GRIK5: variants seen among roughly 807,000 people sequenced by gnomAD.
GRIK5 encodes the protein glutamate ionotropic receptor kainate type subunit 5.
Under a neutral mutation model 97.4 loss-of-function variants are expected in GRIK5, and 43 were observed. The observed-to-expected ratio is 0.44, with a 90% CI of 0.35 to 0.57. The LOEUF (loss-of-function observed/expected upper bound fraction) is 0.57, where lower values mean the gene tolerates loss of function less well. Ranked by LOEUF, GRIK5 falls within the 20% of genes least tolerant of loss-of-function variation. The pLI is 0.01. For missense variants in GRIK5, 1,015 were observed against 1,382.0 expected (o/e 0.73, Z 4.21); for synonymous variants, 580 against 583.5 (o/e 0.99, Z 0.09).
chr19:42,058,247 C>T (rs2146160629), intron 6 of GRIK5, among the ~76,000 whole-genome samples: 1 of 152,202 alleles, frequency 6.6e-6, no homozygotes, highest in African/African-American at 2.4e-5. Flanking sequence ...GTGGTGCAAT[C>T]TCAGCTCACT....
At position 42,003,686 on chromosome 19, in the gene GRIK5, G is replaced by A. The variant is rs782357500; in HGVS notation, c.2264-3C>T. The A allele has an allele frequency of 1.2e-5, 20 of 1,607,460 alleles. No homozygotes were observed. Among genetic ancestry groups the A allele is most frequent in the Admixed American group, 3.4e-5 (2 of 59,522 alleles). ...GATCTCATCCCGGAACGGGGAGCCTGGGCAGGCACACGAGGGGCTGGACCA... is the reference window on the plus strand; with the variant it reads ...GATCTCATCCCGGAACGGGGAGCCTAGGCAGGCACACGAGGGGCTGGACCA... On this transcript the variant is annotated splice_polypyrimidine_tract_variant and splice_region_variant and intron_variant, in intron 17 of 19. Coordinates refer to ENST00000593562, the MANE Select transcript of GRIK5 (RefSeq NM_002088.5). This position sits in a 1 kb window ranked among gnomAD's most constrained non-coding sequence, Gnocchi z 4.2.
chr19:42,011,116 AACACACAC>A (rs112305468), intron 15 of GRIK5, among the ~76,000 whole-genome samples: 50 of 146,578 alleles, frequency 3.4e-4, no homozygotes, highest in African/African-American at 1.1e-3. Flanking sequence ...TTTACTATCT[AACACACAC>A]ACACACACAC....
intron 15 of GRIK5, among the ~76,000 whole-genome samples, chr19:42,019,704 G>A (rs1599766773): frequency 6.6e-6 from 1 of 152,198 alleles, no homozygotes; most frequent in East Asian, 1.9e-4. Flanking sequence ...GAGATTTGTG[G>A]ATCCTATGCT....
intron 12 of GRIK5, among the ~76,000 whole-genome samples, chr19:42,030,009 G>A (rs752237844): frequency 2.0e-5 from 3 of 152,076 alleles, no homozygotes; most frequent in African/African-American, 4.8e-5. Flanking sequence ...ACTAAGTGTG[G>A]TAGCTGCTTT....
chr19:42,018,109 C>A (rs1478534320), intron 15 of GRIK5, among the ~76,000 whole-genome samples: 5 of 131,352 alleles, frequency 3.8e-5, no homozygotes, highest in Middle Eastern at 5.8e-3. Context: ...GTCAGGAGAT[C>A]GAGACCACCC....
chr19:42,036,516 G>A (rs1306411933), intron 12 of GRIK5, among the ~76,000 whole-genome samples: 1 of 152,024 alleles, frequency 6.6e-6, no homozygotes, highest in Non-Finnish European at 1.5e-5. Context: ...CACCACACTT[G>A]GCTAAATTTT....
intron 15 of GRIK5, among the ~76,000 whole-genome samples, chr19:42,007,620 G>C (rs782044536): frequency 6.6e-6 from 1 of 152,158 alleles, no homozygotes; most frequent in African/African-American, 2.4e-5. Flanking sequence ...GGAGGGAGCT[G>C]CAAAGAGAGG....
chr19:42,064,799 G>A (rs1009428818), intron 3 of GRIK5, among the ~76,000 whole-genome samples: 3 of 152,122 alleles, frequency 2.0e-5, no homozygotes, highest in African/African-American at 4.8e-5. Context: ...TGATGTGGCC[G>A]GCCGTGCTTG....
rs377689040 is a variant in GRIK5 at position 42,062,734 on chromosome 19, G to A, written c.342+24C>T. ...CCCAGGGACCCGCTCCCCACAAAGC[G>A]CCGGCCCACACTCCCCATCTCACCT... On this transcript the variant is annotated intron_variant, in intron 4 of 19. Coordinates refer to ENST00000593562, the MANE Select transcript of GRIK5 (RefSeq NM_002088.5). This position sits in a 1 kb window ranked among gnomAD's most constrained non-coding sequence, Gnocchi z 5.3. The A allele has an allele frequency of 5.6e-5, 91 of 1,611,428 alleles. 1 individual carries two copies. The African/African-American group carries it at 6.9e-4, about 12-fold the overall frequency.
At position 42,065,904 on chromosome 19, in the gene GRIK5, C is replaced by T. The variant is rs762057747; in HGVS notation, c.-50-84G>A. 8 of 699,420 alleles carry T rather than the reference C, an allele frequency of 1.1e-5. No individual in the cohort carries two copies. The highest frequency in any genetic ancestry group is 1.5e-5 in the Non-Finnish European group (6 of 402,748). 43.3% of individuals were successfully genotyped at this position (699,420 alleles called of 1,614,324 possible). A position where few individuals can be genotyped will look rare whatever the true frequency, so the allele number is the denominator to read the frequency against. On this transcript the variant is annotated intron_variant, in intron 1 of 19. Coordinates refer to ENST00000593562, the MANE Select transcript of GRIK5 (RefSeq NM_002088.5). The surrounding 1 kb of genome is among the most constrained non-coding windows in gnomAD (Gnocchi z 5.8). ...GGAGGCCTGCTGGATGGGGTGGTCA[C>T]AGAAGCCTTGGGGACATTGTTGGCA... is the stretch of plus-strand genomic sequence containing the variant.
rs2075400910 is a variant in GRIK5 at position 41,998,740 on chromosome 19, A to G, written c.*131T>C. On this transcript the variant is annotated 3_prime_UTR_variant, in exon 20 of 20. Transcript: ENST00000593562. ...TCGGACTTCGCGGGGAACCAAAGGC[A>G]AAATCGCGGCGTCCGGGGCGCCGGC... 2.9e-6 allele frequency: 1 copy of G among 342,744 alleles called. No individual in the cohort carries two copies. Among genetic ancestry groups the G allele is most frequent in the Admixed American group, 5.9e-5 (1 of 16,974 alleles). The allele number at this position is 342,744 out of a possible 1,614,324, so 21.2% of individuals were successfully genotyped here. A position where few individuals can be genotyped will look rare whatever the true frequency, so the allele number is the denominator to read the frequency against.
Position 42,021,220 on chromosome 19 carries a change from G to A in GRIK5, c.1871+81C>T. 8.9e-7 allele frequency: 1 copy of A among 1,124,370 alleles called. No homozygotes were observed. The highest frequency in any genetic ancestry group is 1.6e-5 in the African/African-American group (1 of 64,492). 69.6% of individuals were successfully genotyped at this position (1,124,370 alleles called of 1,614,324 possible). A position where few individuals can be genotyped will look rare whatever the true frequency, so the allele number is the denominator to read the frequency against. ...AAACGGGGAATCAAATCTTCCAGGA[G>A]ATGCCACAGCCCCAACCCCATCCAG... On this transcript the variant is annotated intron_variant, in intron 15 of 19. Coordinates refer to ENST00000593562, the MANE Select transcript of GRIK5 (RefSeq NM_002088.5). This position sits in a 1 kb window ranked among gnomAD's most constrained non-coding sequence, Gnocchi z 4.2.
In GRIK5 at chr19:42,062,376, T is replaced by G; in HGVS notation, c.508+112A>C. ...GAAGATGGGAGAAGAGCCTGGTGCC[T>G]GGGTGCCCCAGGGTTCTAACTAGGG... On this transcript the variant is annotated intron_variant, in intron 5 of 19. Transcript: ENST00000593562. The surrounding 1 kb of genome is among the most constrained non-coding windows in gnomAD (Gnocchi z 5.3). 9.6e-7 allele frequency: 1 copy of G among 1,040,802 alleles called. No individual in the cohort carries two copies. The highest frequency in any genetic ancestry group is 1.4e-6 in the Non-Finnish European group (1 of 715,302). The allele number at this position is 1,040,802 out of a possible 1,614,324, so 64.5% of individuals were successfully genotyped here. A position where few individuals can be genotyped will look rare whatever the true frequency, so the allele number is the denominator to read the frequency against.
Position 42,065,821 on chromosome 19 carries a change from C to T in GRIK5, c.-50-1G>A, listed in dbSNP as rs1243874109. ...AGCTGCCGCGGCCCCCACTCGCCAC[C>T]TGCAGGGAGACCCCCCAGACCAAGG... On this transcript the variant is annotated splice_acceptor_variant, in intron 1 of 19. Coordinates refer to ENST00000593562, the MANE Select transcript of GRIK5 (RefSeq NM_002088.5). LOFTEE classifies it low-confidence loss of function (5UTR_SPLICE). The surrounding 1 kb of genome is among the most constrained non-coding windows in gnomAD (Gnocchi z 5.8). The T allele has an allele frequency of 7.0e-7, 1 of 1,429,116 alleles. No individual in the cohort carries two copies. Among genetic ancestry groups the T allele is most frequent in the South Asian group, 1.2e-5 (1 of 81,862 alleles). The allele number at this position is 1,429,116 out of a possible 1,614,324, so 88.5% of individuals were successfully genotyped here. A position where few individuals can be genotyped will look rare whatever the true frequency, so the allele number is the denominator to read the frequency against.
At position 42,036,608 on chromosome 19, in the gene GRIK5, G is replaced by A. The variant is rs184208894; in HGVS notation, c.1473+5944C>T. On this transcript the variant is annotated intron_variant, in intron 12 of 19. Coordinates refer to ENST00000593562, the MANE Select transcript of GRIK5 (RefSeq NM_002088.5). ...TGGGCTCAAGTGATCCTCCCACTTC[G>A]GCCTCCCAAAGTACTGGGATTACAG... Among the ~76,000 whole-genome samples, 634 of 152,262 alleles carry A rather than the reference G, an allele frequency of 4.2e-3. 6 individuals are homozygous for A. The highest frequency in any genetic ancestry group is 0.015 in the African/African-American group (612 of 41,548).
At chr19:42,039,897 T>A (rs919720781) in intron 12 of GRIK5, among the ~76,000 whole-genome samples, 1 of 151,992 alleles carries the variant, frequency 6.6e-6, no homozygotes, top group Non-Finnish European at 1.5e-5. Flanking sequence ...GGAGGATCGC[T>A]TGAGCCCAGG....
intron 15 of GRIK5, among the ~76,000 whole-genome samples, chr19:42,015,261 T>C (rs1443614173): frequency 1.3e-5 from 2 of 152,104 alleles, no homozygotes; most frequent in South Asian, 2.1e-4. Flanking sequence ...AGAAAATCAG[T>C]AAGGATAGAG....
At position 42,065,252 on chromosome 19, in the gene GRIK5, C is replaced by T. The variant is rs148219534; in HGVS notation, c.215G>A (p.Arg72Gln). The change falls in exon 3 of 20, where the codon CGG (arginine) becomes CAG (glutamine). Residue 72 changes from arginine to glutamine, a missense_variant. Transcript: ENST00000593562. This position sits in a 1 kb window ranked among gnomAD's most constrained non-coding sequence, Gnocchi z 5.8. ...GTCCGTGGTCTCGTACTGGCTGTCC[C>T]GCTGCAGCTCAAAGATGTCTACTTC... ...RVEVDIFELQ[R>Q]DSQYETTDTM... is the part of the protein sequence containing the mutation. 250 of 1,612,904 alleles carry T rather than the reference C, an allele frequency of 1.5e-4. No individual in the cohort carries two copies. The highest frequency in any genetic ancestry group is 1.7e-4 in the Middle Eastern group (1 of 6,056).
intron 11 of GRIK5, among the ~76,000 whole-genome samples, chr19:42,046,317 A>G (rs1298066400): frequency 6.6e-6 from 1 of 152,180 alleles, no homozygotes; most frequent in Non-Finnish European, 1.5e-5. Context: ...AATAGAAATT[A>G]GATAACCGTA....
Sources: gnomAD v4.1 joint callset for allele counts (sites outside exome capture counted in the v4.1 genomes callset) on GRCh38, gnomAD v4.1.1 for gene constraint, Gnocchi (gnomAD v3.1) non-coding constraint, MANE v1.5 for transcripts, NCBI Gene and HGNC (gene_info 2026-07-23, HGNC 2026-07-21) for gene names.